LIPF: variants seen among roughly 807,000 people sequenced by gnomAD.
LIPF encodes gastric triacylglycerol lipase.
In LIPF, 25 loss-of-function variants were observed where a neutral mutation model predicts 38.0. The ratio of observed to expected loss-of-function variants is 0.66; its 90% CI spans 0.48 to 0.92. The LOEUF is 0.92. LIPF is among the 40% of genes least tolerant of loss of function. The probability of loss-of-function intolerance (pLI) is 0.00; values close to 1 mark genes in which losing one functional copy is unlikely to be tolerated. For missense variants in LIPF, 410 were observed against 469.9 expected (o/e 0.87, Z 1.18); for synonymous variants, 161 against 156.2 (o/e 1.03, Z -0.23).
In LIPF at chr10:88,673,613, AC is replaced by A. The variant is rs1482056430; in HGVS notation, c.698del (p.Pro233HisfsTer19). On this transcript the variant is annotated frameshift_variant, in exon 7 of 10. Coordinates refer to ENST00000238983, the MANE Select transcript of LIPF (RefSeq NM_004190.4). LOFTEE classifies it high-confidence loss of function. ...FKFIFGDKIF[Y>X]PHNFFDQFLA... ...TTTATATTTGGTGACAAAATATTCT[AC>A]CCACACAACTTCTTTGATCAATTTC... is the stretch of plus-strand genomic sequence containing the variant. The A allele has an allele frequency of 8.1e-6, 13 of 1,611,804 alleles. No homozygotes were observed. Among genetic ancestry groups the A allele is most frequent in the Non-Finnish European group, 1.1e-5 (13 of 1,178,482 alleles).
chr10:88,675,535 C>A, intron 7 of LIPF, 51 bp from the exon 8 acceptor site: 1 of 1,305,088 alleles, frequency 7.7e-7, no homozygotes, highest in Non-Finnish European at 1.1e-6. Context: ...TTTTAAGAAA[C>A]TGAGTATGTG....
In LIPF at chr10:88,668,401, G is replaced by A. The variant is rs147199652; in HGVS notation, c.224-157G>A. 3.9e-5 allele frequency among the ~76,000 whole-genome samples: 6 copies of A among 152,194 alleles called. No homozygotes were observed. The East Asian group carries it at 1.2e-3, about 29-fold the overall frequency. ...GGCATCTGAGAAATCAACTCCCTGA[G>A]AAATCATCACCACAATTACGATAAG... On this transcript the variant is annotated intron_variant, in intron 3 of 9. Coordinates refer to ENST00000238983, the MANE Select transcript of LIPF (RefSeq NM_004190.4).
intron 7 of LIPF, chr10:88,675,360 A>G (rs1015189837): frequency 6.5e-6 from 3 of 460,966 alleles, no homozygotes; most frequent in Non-Finnish European, 1.1e-5. Flanking sequence ...GATAAAATGG[A>G]ACTAATAAGT....
intron 3 of LIPF, among the ~76,000 whole-genome samples, chr10:88,668,325 C>T (rs1257150757): frequency 6.6e-6 from 1 of 152,094 alleles, no homozygotes; most frequent in Non-Finnish European, 1.5e-5. Flanking sequence ...TGAGATGTAA[C>T]TGGCATATAA....
chr10:88,678,672 T>G lies in LIPF; in HGVS notation c.1188T>G (p.Asp396Glu). Reference protein sequence around the residue: ...YNDIVSMISEDKK With the variant: ...YNDIVSMISEEKK ...ACATTGTTTCTATGATATCAGAAGA[T>G]AAAAAGTAGTTCTGGATTTAAAGAA... Residue 396 changes from aspartate to glutamate, a missense_variant, in exon 10 of 10, where the codon GAT becomes GAG. By Grantham distance (45) the Asp-to-Glu change is conservative. Coordinates refer to ENST00000238983, the MANE Select transcript of LIPF (RefSeq NM_004190.4). 1.3e-6 allele frequency: 2 copies of G among 1,589,306 alleles called. No individual in the cohort carries two copies. The highest frequency in any genetic ancestry group is 2.2e-5 in the South Asian group (2 of 90,540).
chr10:88,678,347 A>G lies in LIPF; in HGVS notation c.961-98A>G. On this transcript the variant is annotated intron_variant, in intron 9 of 9. Coordinates refer to ENST00000238983, the MANE Select transcript of LIPF (RefSeq NM_004190.4). ...GCAATCATTGCTAGAATTCACTTAT[A>G]AAACCGCCAGTTAATGTTATACACT... 7 of 890,220 alleles carry G rather than the reference A, an allele frequency of 7.9e-6. No individual in the cohort carries two copies. In the South Asian group the frequency reaches 9.7e-5, roughly 12 times the overall value. 55.1% of individuals were successfully genotyped at this position (890,220 alleles called of 1,614,324 possible).
At position 88,667,458 on chromosome 10, in the gene LIPF, C is replaced by T. The variant is rs1841530134; in HGVS notation, c.105+56C>T. ...ACTAAAAGATGCTATTATTTAAAAT[C>T]ATAATGAGTTAAAGATTTTATATGA... On this transcript the variant is annotated intron_variant, in intron 2 of 9. Coordinates refer to ENST00000238983, the MANE Select transcript of LIPF (RefSeq NM_004190.4). 7 of 1,138,246 alleles carry T rather than the reference C, an allele frequency of 6.1e-6. No individual in the cohort carries two copies. In the Admixed American group the frequency reaches 1.1e-4, roughly 19 times the overall value. 70.5% of individuals were successfully genotyped at this position (1,138,246 alleles called of 1,614,324 possible). A position where few individuals can be genotyped will look rare whatever the true frequency, so the allele number is the denominator to read the frequency against.
intron 1 of LIPF, chr10:88,665,564 G>T (rs1252596087): frequency 6.5e-7 from 1 of 1,534,288 alleles, no homozygotes; most frequent in Non-Finnish European, 8.7e-7. Context: ...CAAACAGTAG[G>T]TTAAGTGTCC....
intron 6 of LIPF, among the ~76,000 whole-genome samples, chr10:88,672,658 A>ACTCTCT (rs1841618611): frequency 1.4e-5 from 2 of 138,650 alleles, no homozygotes; most frequent in African/African-American, 5.9e-5. Context: ...ACACACACAC[A>ACTCTCT]CACACACACA....
chr10:88,669,111 T>G (rs1841557129), intron 4 of LIPF: 1 of 191,974 alleles, frequency 5.2e-6, no homozygotes, highest in African/African-American at 2.3e-5. Context: ...AGAACAGCAA[T>G]CTGAATCATC....
rs909634710 is a variant in LIPF, at chr10:88,678,658, A to G, written c.1174A>G (p.Met392Val). The G allele has an allele frequency of 1.1e-5, 18 of 1,608,268 alleles. No individual in the cohort carries two copies. The highest frequency in any genetic ancestry group is 1.4e-5 in the Non-Finnish European group (16 of 1,174,798). ...PQEVYNDIVS[M>V]ISEDKK ...AGAAGTTTACAATGACATTGTTTCT[A>G]TGATATCAGAAGATAAAAAGTAGTT... Residue 392 changes from methionine (M) to valine (V), a missense_variant, in exon 10 of 10, where the codon ATG (methionine) becomes GTG (valine). Transcript: ENST00000238983.
intron 6 of LIPF, 28 bp from the exon 7 acceptor site, chr10:88,673,560 A>C (rs1341228903): frequency 6.3e-7 from 1 of 1,575,304 alleles, no homozygotes; most frequent in South Asian, 1.2e-5. Flanking sequence ...GATTGCTACA[A>C]CCCTCTAATA....
intron 6 of LIPF, 35 bp downstream of exon 6, chr10:88,672,000 C>T: frequency 6.5e-7 from 1 of 1,547,356 alleles, no homozygotes; most frequent in Non-Finnish European, 8.8e-7. Context: ...GAATCTAAGA[C>T]CCTTGATTGC....
At position 88,671,928 on chromosome 10, in the gene LIPF, T is replaced by C. The variant is rs747343122; in HGVS notation, c.632T>C (p.Ile211Thr). Reference protein sequence around the residue: ...VATVKYTKSLINKLRFVPQSL... With the variant: ...VATVKYTKSLTNKLRFVPQSL... ...ACTGTGAAGTATACAAAAAGCCTTA[T>C]AAACAAACTTAGATTTGTTCCTCAA... Residue 211 changes from isoleucine (I) to threonine (T), a missense_variant, in exon 6 of 10, where the codon ATA (isoleucine) becomes ACA (threonine). Ile to Thr is a moderately conservative substitution (Grantham distance 89). Transcript: ENST00000238983. The C allele has an allele frequency of 6.2e-7, 1 of 1,612,894 alleles. No individual in the cohort carries two copies. Among genetic ancestry groups the C allele is most frequent in the Non-Finnish European group, 8.5e-7 (1 of 1,179,334 alleles).
chr10:88,667,715 T>C, intron 3 of LIPF, 29 bp downstream of exon 3: 1 of 913,452 alleles, frequency 1.1e-6, no homozygotes, highest in Non-Finnish European at 1.7e-6. Context: ...TCTTCCTTCC[T>C]TTCTCTCTTT....
intron 6 of LIPF, among the ~76,000 whole-genome samples, chr10:88,673,196 C>T (rs1383021571): frequency 6.6e-6 from 1 of 152,210 alleles, no homozygotes; most frequent in African/African-American, 2.4e-5. Context: ...GGCCAAGTCA[C>T]CATTTCTCCT....
intron 2 of LIPF, 77 bp downstream of exon 2, chr10:88,667,479 T>A: frequency 9.6e-7 from 1 of 1,039,662 alleles, no homozygotes; most frequent in South Asian, 1.4e-5. Context: ...AAAGATTTTA[T>A]ATGACCAATT....
intron 9 of LIPF, 116 bp from the exon 10 acceptor site, chr10:88,678,329 T>A: frequency 1.3e-6 from 1 of 780,052 alleles, no homozygotes; most frequent in Non-Finnish European, 2.3e-6. Context: ...TGTGCAATCA[T>A]TGCTAGAATT....
intron 5 of LIPF, 22 bp downstream of exon 5, chr10:88,669,968 C>A: frequency 6.7e-7 from 1 of 1,494,788 alleles, no homozygotes; most frequent in Non-Finnish European, 9.3e-7. Context: ...CAGTCAAGGC[C>A]AAGTGGTTTA....
Sources: allele counts gnomAD v4.1 joint callset (sites outside exome capture counted in the v4.1 genomes callset), GRCh38; gene constraint gnomAD v4.1.1; transcripts MANE v1.5; gene names NCBI Gene and HGNC (gene_info 2026-07-23, HGNC 2026-07-21).